Variants in DTL observed in about 807,000 individuals in gnomAD.
DTL encodes the protein denticleless protein homolog.
Under a neutral mutation model 87.0 loss-of-function variants are expected in DTL, and 46 were observed. The observed-to-expected ratio is 0.53, with a 90% CI of 0.42 to 0.68. DTL has a LOEUF of 0.68. Among genes scored for constraint, DTL ranks in the 30% least tolerant of loss-of-function variants. The pLI is 0.00. For synonymous variants in DTL, 308 were observed against 311.2 expected, an observed-to-expected ratio of 0.99 and a Z score of 0.11; for missense variants, 737 against 869.4, an observed-to-expected ratio of 0.85 and a Z score of 1.91.
intron 8 of DTL, among the ~76,000 whole-genome samples, chr1:212,067,574 C>T (rs1654542851): frequency 6.6e-6 from 1 of 151,902 alleles, no homozygotes; most frequent in African/African-American, 2.4e-5. Flanking sequence ...CCATTGTGTC[C>T]TCTGGGCACT....
chr1:212,068,339 A>G lies in DTL; in HGVS notation c.817+12A>G. The G allele has an allele frequency of 1.9e-6, 3 of 1,551,210 alleles. No homozygotes were observed. The highest frequency in any genetic ancestry group is 1.7e-4 in the Middle Eastern group (1 of 5,848). On this transcript the variant is annotated intron_variant, in intron 9 of 14. Coordinates refer to ENST00000366991, the MANE Select transcript of DTL (RefSeq NM_016448.4). ...CACTCGAAAACTTGGTAAGCCTTTA[A>G]TAGGTCTTTTGGGGGAGATAAGAGT...
intron 13 of DTL, among the ~76,000 whole-genome samples, chr1:212,095,229 T>C (rs1441344773): frequency 1.3e-5 from 2 of 152,228 alleles, no homozygotes; most frequent in Non-Finnish European, 2.9e-5. Context: ...GGCTGTGGGT[T>C]TGTCATGGAT....
intron 5 of DTL, among the ~76,000 whole-genome samples, chr1:212,049,606 G>C (rs1667903694): frequency 6.6e-6 from 1 of 152,178 alleles, no homozygotes; most frequent in South Asian, 2.1e-4. Context: ...GTACTCTAGT[G>C]TAAATTAGTC....
intron 14 of DTL, 44 bp downstream of exon 14, chr1:212,101,128 G>GT: frequency 7.1e-7 from 1 of 1,399,870 alleles, no homozygotes; most frequent in Non-Finnish European, 9.6e-7. Context: ...AACTTAAAAG[G>GT]GGCCAGACAC....
chr1:212,103,102 C>T lies in DTL; in HGVS notation c.*162C>T. On this transcript the variant is annotated 3_prime_UTR_variant, in exon 15 of 15. Coordinates refer to ENST00000366991, the MANE Select transcript of DTL (RefSeq NM_016448.4). The stretch of plus-strand genomic sequence containing the variant: ...AAATCTTTTCAACGCTGAAATGTAC[C>T]TAATCTGGTTCTACTACCATAATGT... 4.1e-6 allele frequency: 2 copies of T among 486,700 alleles called. No homozygotes were observed. The highest frequency in any genetic ancestry group is 7.3e-6 in the Non-Finnish European group (2 of 273,382). The allele number at this position is 486,700 out of a possible 1,614,324, so 30.1% of individuals were successfully genotyped here. A position where few individuals can be genotyped will look rare whatever the true frequency, so the allele number is the denominator to read the frequency against.
intron 1 of DTL, among the ~76,000 whole-genome samples, chr1:212,041,589 T>C (rs931238277): frequency 6.6e-6 from 1 of 152,032 alleles, no homozygotes; most frequent in African/African-American, 2.4e-5. Flanking sequence ...CGCGGCACGC[T>C]CCGCCTCCCA....
intron 1 of DTL, among the ~76,000 whole-genome samples, chr1:212,042,361 C>G (rs960019364): frequency 6.6e-6 from 1 of 152,220 alleles, no homozygotes; most frequent in African/African-American, 2.4e-5. Context: ...CCTGTAAAGA[C>G]TCCCTGACCC....
intron 11 of DTL, chr1:212,077,748 G>T: frequency 6.5e-6 from 1 of 154,022 alleles, no homozygotes; most frequent in Non-Finnish European, 1.5e-5. Context: ...TAGCTGACTA[G>T]GGATCTGAAG....
Position 212,063,801 on chromosome 1 carries a change from A to C in DTL, c.526+852A>C, listed in dbSNP as rs145129310. Among the ~76,000 whole-genome samples, 770 of 152,314 alleles carry C rather than the reference A, an allele frequency of 5.1e-3. 7 individuals carry two copies. The highest frequency in any genetic ancestry group is 0.014 in the Middle Eastern group (4 of 294). On this transcript the variant is annotated intron_variant, in intron 6 of 14. Transcript: ENST00000366991. The stretch of plus-strand genomic sequence containing the variant: ...ACATATATAGAACATGAAATGATCA[A>C]ATCAGGATAATTGGGATATCCATCA...
At chr1:212,069,071 T>A (rs1440011681) in intron 10 of DTL, among the ~76,000 whole-genome samples, 1 of 152,206 alleles carries the variant, frequency 6.6e-6, no homozygotes, top group Non-Finnish European at 1.5e-5. Context: ...GCTGAAATTT[T>A]CATACCCCCA....
At chr1:212,072,582 C>T (rs1336087243) in intron 11 of DTL, among the ~76,000 whole-genome samples, 1 of 152,074 alleles carries the variant, frequency 6.6e-6, no homozygotes, top group East Asian at 1.9e-4. Context: ...GTATTTTGAT[C>T]CCTAGGATCC....
chr1:212,049,705 C>T (rs1667906915), intron 5 of DTL, among the ~76,000 whole-genome samples: 1 of 152,226 alleles, frequency 6.6e-6, no homozygotes, highest in African/African-American at 2.4e-5. Flanking sequence ...CATAAGCCCT[C>T]TTGCAGGGCA....
Position 212,078,264 on chromosome 1 carries a change from T to A in DTL, c.1125+2T>A, listed in dbSNP as rs1654891729. 1 of 1,572,654 alleles carries A rather than the reference T, an allele frequency of 6.4e-7. No individual in the cohort carries two copies. The highest frequency in any genetic ancestry group is 1.7e-5 in the Admixed American group (1 of 59,626). On this transcript the variant is annotated splice_donor_variant, in intron 12 of 14. Coordinates refer to ENST00000366991, the MANE Select transcript of DTL (RefSeq NM_016448.4). LOFTEE classifies it high-confidence loss of function. ...TGGTGTCCATCTGACTTCACAAAGG[T>A]TTGTAAATGAATCTCTATAGTTGGT...
intron 5 of DTL, among the ~76,000 whole-genome samples, chr1:212,052,500 TGTG>T (rs1056941889): frequency 6.6e-6 from 1 of 151,726 alleles, no homozygotes; most frequent in Non-Finnish European, 1.5e-5. Flanking sequence ...AGCCAGGCGT[TGTG>T]GTGGGCACCT....
intron 11 of DTL, among the ~76,000 whole-genome samples, chr1:212,076,680 G>A (rs1654840281): frequency 6.6e-6 from 1 of 152,172 alleles, no homozygotes. Flanking sequence ...GACCTGTTTG[G>A]ACCTTGGGTG....
chr1:212,061,511 A>AC (rs34863056), intron 5 of DTL, among the ~76,000 whole-genome samples: 2 of 151,590 alleles, frequency 1.3e-5, no homozygotes, highest in African/African-American at 4.8e-5. Context: ...AAAAAAAAAA[A>AC]CAAATAGAAT....
chr1:212,059,550 T>A (rs971984131), intron 5 of DTL, among the ~76,000 whole-genome samples: 1 of 152,024 alleles, frequency 6.6e-6, no homozygotes, highest in Admixed American at 6.6e-5. Flanking sequence ...TATGACAGAC[T>A]CACAGTTAAC....
At chr1:212,040,431 A>T (rs1223287592) in intron 1 of DTL, among the ~76,000 whole-genome samples, 1 of 152,222 alleles carries the variant, frequency 6.6e-6, no homozygotes, top group Non-Finnish European at 1.5e-5. Context: ...CATACCTATG[A>T]TTAAGTTTAG....
At chr1:212,058,230 C>T (rs1435443547) in intron 5 of DTL, among the ~76,000 whole-genome samples, 1 of 152,164 alleles carries the variant, frequency 6.6e-6, no homozygotes, top group Non-Finnish European at 1.5e-5. Flanking sequence ...CAGAACATTT[C>T]ATCCAACAGC....
Sources: gnomAD v4.1 joint callset for allele counts (sites outside exome capture counted in the v4.1 genomes callset) on GRCh38, gnomAD v4.1.1 for gene constraint, MANE v1.5 for transcripts, NCBI Gene and HGNC (gene_info 2026-07-23, HGNC 2026-07-21) for gene names.